Variants in JAKMIP3 observed in about 807,000 individuals in gnomAD.
The protein encoded by JAKMIP3 is janus kinase and microtubule-interacting protein 3.
Under a neutral mutation model 118.5 loss-of-function variants are expected in JAKMIP3, and 58 were observed. That is an observed-to-expected ratio of 0.49 (90% confidence interval 0.40 to 0.61). The LOEUF is 0.61. JAKMIP3 is among the 20% of genes least tolerant of loss of function. JAKMIP3 has a pLI of 0.00. For synonymous variants in JAKMIP3, 486 were observed against 451.2 expected, an observed-to-expected ratio of 1.08 and a Z score of -0.98; for missense variants, 950 against 1,109.0, an observed-to-expected ratio of 0.86 and a Z score of 2.04.
Position 132,163,417 on chromosome 10 carries a change from G to T in JAKMIP3, c.2424+5G>T. On this transcript the variant is annotated splice_donor_5th_base_variant and intron_variant, in intron 20 of 23. Transcript: ENST00000684848. ...CTGCTGCAGCTGGCTCAGCAGGTGT[G>T]TGGCAGGCGGGGGCAGGGCTGGCGT... is the stretch of plus-strand genomic sequence containing the variant. The T allele has an allele frequency of 4.4e-6, 7 of 1,592,690 alleles. No homozygotes were observed. Among genetic ancestry groups the T allele is most frequent in the Non-Finnish European group, 6.0e-6 (7 of 1,175,998 alleles).
intron 1 of JAKMIP3, among the ~76,000 whole-genome samples, chr10:132,057,704 G>T (rs574946139): frequency 6.6e-6 from 1 of 152,294 alleles, no homozygotes; most frequent in African/African-American, 2.4e-5. Flanking sequence ...TACAGCAGGG[G>T]TGTCGACCCC....
At chr10:132,057,948 A>G (rs987153100) in intron 1 of JAKMIP3, among the ~76,000 whole-genome samples, 1 of 152,196 alleles carries the variant, frequency 6.6e-6, no homozygotes, top group Middle Eastern at 3.2e-3. Context: ...TTCGGGTGAC[A>G]CTCAAACAGG....
At position 132,180,732 on chromosome 10, in the gene JAKMIP3, T is replaced by TGCGC. The variant is rs1472305034; in HGVS notation, c.*1104-1624_*1104-1623insCGCG. ...GCGCGTGTGTGTGCGTGTGTGTGCG[T>TGCGC]GTGTGCGTGCGTGCGCGCGCGTGTG... On this transcript the variant is annotated intron_variant, in intron 23 of 23. Coordinates refer to ENST00000684848, the MANE Select transcript of JAKMIP3 (RefSeq NM_001323087.2). Among the ~76,000 whole-genome samples the TGCGC allele has an allele frequency of 8.1e-4, 10 of 12,330 alleles. 4 individuals are homozygous for TGCGC. In the South Asian group the frequency reaches 0.011, roughly 13 times the overall value. The allele number at this position is 12,330 out of a possible 152,430, so 8.1% of individuals were successfully genotyped here. A position where few individuals can be genotyped will look rare whatever the true frequency, so the allele number is the denominator to read the frequency against.
chr10:132,166,936 T>C (rs2058968630), intron 21 of JAKMIP3, 47 bp from the exon 22 acceptor site: 1 of 1,365,262 alleles, frequency 7.3e-7, no homozygotes. Context: ...AAACTCTTTT[T>C]TCTCTTTCTT....
chr10:132,139,393 AGTAT>A (rs772421620), intron 9 of JAKMIP3, among the ~76,000 whole-genome samples: 1 of 95,912 alleles, frequency 1.0e-5, no homozygotes, highest in African/African-American at 4.8e-5. Context: ...TGAGTGTATG[AGTAT>A]GTGAGTGTGT....
chr10:132,120,623 C>T (rs1449487116), intron 3 of JAKMIP3, among the ~76,000 whole-genome samples: 1 of 152,228 alleles, frequency 6.6e-6, no homozygotes, highest in Non-Finnish European at 1.5e-5. Flanking sequence ...AGGGCATCAG[C>T]TGTGGTGAGA....
chr10:132,171,479 C>T (rs951356954), intron 23 of JAKMIP3, among the ~76,000 whole-genome samples: 2 of 152,168 alleles, frequency 1.3e-5, no homozygotes, highest in Admixed American at 6.6e-5. Flanking sequence ...GTAAATGAGA[C>T]GCGAGACGTT....
rs2135345457 is a variant in JAKMIP3 at position 132,117,316 on chromosome 10, T to C, written c.375T>C (p.Asp125=). ...RLQALLSALR[D]GGPEKVKTVL... ...AGGCACTGCTCAGTGCCCTGCGTGATGGCGGCCCCGAAAAGGTCAAGACCG... is the reference window on the plus strand; with the variant it reads ...AGGCACTGCTCAGTGCCCTGCGTGACGGCGGCCCCGAAAAGGTCAAGACCG... The change falls in exon 3 of 24, where the codon GAT becomes GAC. Residue 125 remains aspartate, a synonymous_variant. Coordinates refer to ENST00000684848, the MANE Select transcript of JAKMIP3 (RefSeq NM_001323087.2). The surrounding 1 kb of genome is among the most constrained non-coding windows in gnomAD (Gnocchi z 8.6). 5 of 1,613,912 alleles carry C rather than the reference T, an allele frequency of 3.1e-6. No individual in the cohort carries two copies. The highest frequency in any genetic ancestry group is 4.2e-6 in the Non-Finnish European group (5 of 1,179,882).
At chr10:132,079,122 C>G (rs1207175996) in intron 1 of JAKMIP3, among the ~76,000 whole-genome samples, 1 of 128,124 alleles carries the variant, frequency 7.8e-6, no homozygotes, top group African/African-American at 3.5e-5. Flanking sequence ...TACAGTGGCC[C>G]CCGCAACGTG....
chr10:132,155,099 G>A (rs1238039789), intron 19 of JAKMIP3, among the ~76,000 whole-genome samples: 1 of 61,076 alleles, frequency 1.6e-5, no homozygotes, highest in African/African-American at 6.1e-5. Context: ...TAGTGATGAT[G>A]ATGGTGGCGA....
At chr10:132,075,101 C>T (rs2040569332) in intron 1 of JAKMIP3, among the ~76,000 whole-genome samples, 1 of 152,160 alleles carries the variant, frequency 6.6e-6, no homozygotes, top group South Asian at 2.1e-4. Flanking sequence ...AATTTGAAAT[C>T]AGGTAATATG....
At chr10:132,074,665 T>C (rs2040495229) in intron 1 of JAKMIP3, among the ~76,000 whole-genome samples, 1 of 152,260 alleles carries the variant, frequency 6.6e-6, no homozygotes, top group African/African-American at 2.4e-5. Context: ...TCTTTTGCTG[T>C]GCAGAAACAT....
intron 1 of JAKMIP3, among the ~76,000 whole-genome samples, chr10:132,103,519 G>A (rs997115901): frequency 1.3e-5 from 2 of 149,780 alleles, no homozygotes; most frequent in Non-Finnish European, 3.0e-5. Context: ...GGTGGGGGGA[G>A]CCTCTGAGGG....
Position 132,117,684 on chromosome 10 carries a change from G to A in JAKMIP3, c.633+110G>A, listed in dbSNP as rs997742782. 19 of 1,197,446 alleles carry A rather than the reference G, an allele frequency of 1.6e-5. No individual in the cohort carries two copies. Among genetic ancestry groups the A allele is most frequent in the African/African-American group, 4.7e-5 (3 of 64,458 alleles). The allele number at this position is 1,197,446 out of a possible 1,614,324, so 74.2% of individuals were successfully genotyped here. ...GCAGGCGTGGGCTCGGGGAGCACGCGGGCAGCACCGGCTTCACCCCCCATG... is the reference window on the plus strand; with the variant it reads ...GCAGGCGTGGGCTCGGGGAGCACGCAGGCAGCACCGGCTTCACCCCCCATG... On this transcript the variant is annotated intron_variant, in intron 3 of 23. Transcript: ENST00000684848. This position sits in a 1 kb window ranked among gnomAD's most constrained non-coding sequence, Gnocchi z 8.6.
At position 132,179,316 on chromosome 10, in the gene JAKMIP3, C is replaced by T. The variant is rs1262369182; in HGVS notation, c.*1104-3041C>T. On this transcript the variant is annotated intron_variant, in intron 23 of 23. Transcript: ENST00000684848. This position sits in a 1 kb window ranked among gnomAD's most constrained non-coding sequence, Gnocchi z 4.3. The stretch of plus-strand genomic sequence containing the variant: ...TTTGTTGACGGGACTTTTGGGCTCC[C>T]CGGGCTCTGAGCTGGTTGGGGCTCC... Among the ~76,000 whole-genome samples, 1 of 152,144 alleles carries T rather than the reference C, an allele frequency of 6.6e-6. No individual in the cohort carries two copies. The highest frequency in any genetic ancestry group is 1.5e-5 in the Non-Finnish European group (1 of 68,028).
chr10:132,060,734 G>T (rs1435085914), upstream of JAKMIP3, among the ~76,000 whole-genome samples: 3 of 152,198 alleles, frequency 2.0e-5, no homozygotes, highest in African/African-American at 4.8e-5. Context: ...AAATACAAGA[G>T]AATGGCCAGG....
At chr10:132,122,019 C>T (rs899272561) in intron 3 of JAKMIP3, among the ~76,000 whole-genome samples, 1 of 152,234 alleles carries the variant, frequency 6.6e-6, no homozygotes, top group Non-Finnish European at 1.5e-5. Flanking sequence ...AGCCTCCTGT[C>T]TTTACTTTGG....
intron 3 of JAKMIP3, among the ~76,000 whole-genome samples, chr10:132,131,693 G>A (rs1398706762): frequency 6.6e-6 from 1 of 152,094 alleles, no homozygotes; most frequent in East Asian, 1.9e-4. Context: ...TGGCAGTGGG[G>A]TGATGCTTGC....
intron 3 of JAKMIP3, among the ~76,000 whole-genome samples, chr10:132,131,886 G>A (rs2050705324): frequency 1.3e-5 from 2 of 152,142 alleles, no homozygotes; most frequent in South Asian, 4.1e-4. Flanking sequence ...GTGGGGTGCG[G>A]CGCCTGCACA....
Sources: allele counts gnomAD v4.1 joint callset (sites outside exome capture counted in the v4.1 genomes callset), GRCh38; gene constraint gnomAD v4.1.1; non-coding constraint Gnocchi (gnomAD v3.1); transcripts MANE v1.5; gene names NCBI Gene and HGNC (gene_info 2026-07-23, HGNC 2026-07-21).